Variants in URI1 observed in about 807,000 individuals in gnomAD.
URI1 encodes the protein unconventional prefoldin RPB5 interactor 1.
In URI1, 39 loss-of-function variants were observed where a neutral mutation model predicts 60.2. The observed-to-expected ratio is 0.65, with a 90% CI of 0.50 to 0.85. URI1 has a LOEUF of 0.85. Ranked by LOEUF, URI1 falls within the 40% of genes least tolerant of loss-of-function variation. URI1 has a pLI of 0.00. For missense variants in URI1, 691 were observed against 665.9 expected, an observed-to-expected ratio of 1.04 and a Z score of -0.42; for synonymous variants, 251 against 236.8, an observed-to-expected ratio of 1.06 and a Z score of -0.55.
chr19:29,961,918 C>T (rs753018048), intron 1 of URI1, among the ~76,000 whole-genome samples: 1 of 152,086 alleles, frequency 6.6e-6, no homozygotes, highest in East Asian at 1.9e-4. Context: ...CTCCTGACCT[C>T]GGGTGATCCA....
intron 1 of URI1, chr19:29,956,965 CTGAT>C: frequency 1.1e-6 from 1 of 906,640 alleles, no homozygotes; most frequent in Non-Finnish European, 1.8e-6. Context: ...TGTCAACAGT[CTGAT>C]TGCTGAGAAT....
At chr19:29,949,039 T>C (rs2055140061) in intron 1 of URI1, among the ~76,000 whole-genome samples, 1 of 138,652 alleles carries the variant, frequency 7.2e-6, no homozygotes, top group Non-Finnish European at 1.6e-5. Flanking sequence ...ACGGGGCAGC[T>C]GGCCGGGCGG....
chr19:29,952,468 C>T (rs921798618), intron 1 of URI1, among the ~76,000 whole-genome samples: 3 of 152,206 alleles, frequency 2.0e-5, no homozygotes, highest in African/African-American at 7.2e-5. Context: ...TCTTTTTTAA[C>T]ATTCACTAAG....
rs373253999 is a variant in URI1, at chr19:30,014,906, T to C, written c.1445T>C (p.Ile482Thr). ...VTPEAFSGTV[I>T]EKEFVSPSLT... is the part of the protein sequence containing the mutation. ...TTCTAGGCTTTTTCTGGAACTGTTA[T>C]AGAAAAAGAATTTGTATCACCTTCC... Residue 482 changes from isoleucine (I) to threonine (T), a missense_variant, in exon 11 of 11, where the codon ATA becomes ACA. Coordinates refer to ENST00000392271, the MANE Select transcript of URI1 (RefSeq NM_003796.3). The C allele has an allele frequency of 3.9e-5, 63 of 1,612,616 alleles. No homozygotes were observed. Among genetic ancestry groups the C allele is most frequent in the Admixed American group, 1.3e-4 (8 of 59,916 alleles).
At chr19:29,924,036 A>G (rs2054844579) in intron 1 of URI1, among the ~76,000 whole-genome samples, 1 of 152,154 alleles carries the variant, frequency 6.6e-6, no homozygotes, top group African/African-American at 2.4e-5. Context: ...AGGAGCTTCA[A>G]CGTCCCAGGG....
At position 30,005,637 on chromosome 19, in the gene URI1, T is replaced by G. The variant is rs750151554; in HGVS notation, c.460-14T>G. The G allele has an allele frequency of 3.0e-5, 48 of 1,604,464 alleles. No homozygotes were observed. The highest frequency in any genetic ancestry group is 2.9e-4 in the Admixed American group (17 of 58,086). On this transcript the variant is annotated splice_polypyrimidine_tract_variant and intron_variant, in intron 5 of 10. Transcript: ENST00000392271. ...TTGTGTTGTTAATACGCTTTTTTTT[T>G]GTTTAAAAACCAGGCTGCAGGTGAT...
chr19:30,007,433 G>T, intron 6 of URI1, 37 bp from the exon 7 acceptor site: 1 of 1,600,406 alleles, frequency 6.2e-7, no homozygotes, highest in Admixed American at 1.7e-5. Context: ...TTTTATGTTG[G>T]CTATTAACAG....
At chr19:29,984,646 C>T (rs976012856) in intron 2 of URI1, among the ~76,000 whole-genome samples, 5 of 152,066 alleles carry the variant, frequency 3.3e-5, no homozygotes, top group Non-Finnish European at 7.4e-5. Flanking sequence ...AGAATAATGC[C>T]ATTGCTAAAC....
intron 4 of URI1, among the ~76,000 whole-genome samples, chr19:29,990,633 A>G (rs1479693122): frequency 6.6e-6 from 1 of 152,232 alleles, no homozygotes; most frequent in East Asian, 1.9e-4. Flanking sequence ...CATATATTGT[A>G]TGATTCCATT....
intron 1 of URI1, among the ~76,000 whole-genome samples, chr19:29,962,681 GCTGT>G (rs2055341838): frequency 1.4e-5 from 2 of 147,556 alleles, no homozygotes; most frequent in African/African-American, 2.5e-5. Context: ...TGTTGTTGTT[GCTGT>G]CTTTTTTTTA....
chr19:30,011,191 C>G lies in URI1; in HGVS notation c.1133C>G (p.Ser378Cys), dbSNP rs149845017. 6.2e-7 allele frequency: 1 copy of G among 1,611,966 alleles called. No individual in the cohort carries two copies. Among genetic ancestry groups the G allele is most frequent in the African/African-American group, 1.3e-5 (1 of 74,776 alleles). The change falls in exon 9 of 11, where the codon TCT becomes TGT. Residue 378 changes from serine (S) to cysteine (C), a missense_variant. By Grantham distance (112) the Ser-to-Cys change is moderately radical. Coordinates refer to ENST00000392271, the MANE Select transcript of URI1 (RefSeq NM_003796.3). The stretch of plus-strand genomic sequence containing the variant: ...AAGAACAGCACTGGCAGTGGCCACT[C>G]TGCCCAGGAGCTGCCGACCATCAGG... ...KRKNSTGSGH[S>C]AQELPTIRTP...
chr19:29,981,745 G>A (rs1267577322), intron 2 of URI1, among the ~76,000 whole-genome samples: 2 of 152,116 alleles, frequency 1.3e-5, no homozygotes, highest in East Asian at 3.8e-4. Flanking sequence ...GTAGGCTGGA[G>A]AGGTGTTTCT....
intron 4 of URI1, among the ~76,000 whole-genome samples, chr19:29,986,931 A>G (rs779691751): frequency 6.6e-6 from 1 of 152,202 alleles, no homozygotes; most frequent in Non-Finnish European, 1.5e-5. Context: ...TACCTAAAAC[A>G]GCACCCTTAT....
At position 29,974,179 on chromosome 19, in the gene URI1, CT is replaced by C. The variant is rs1283511039; in HGVS notation, c.152+2954del. ...TTCTTGTAAAGTGATGATGATACTA[CT>C]TAACTCACAGGGTTGTAGTGAAGAT... is the stretch of plus-strand genomic sequence containing the variant. On this transcript the variant is annotated intron_variant, in intron 2 of 10. Coordinates refer to ENST00000392271, the MANE Select transcript of URI1 (RefSeq NM_003796.3). 5.9e-5 allele frequency among the ~76,000 whole-genome samples: 9 copies of C among 152,204 alleles called. No homozygotes were observed. The East Asian group carries it at 1.7e-3, about 29-fold the overall frequency.
intron 1 of URI1, among the ~76,000 whole-genome samples, chr19:29,943,558 T>G (rs2055060287): frequency 6.6e-6 from 1 of 152,232 alleles, no homozygotes; most frequent in South Asian, 2.1e-4. Context: ...GCTTCAACAC[T>G]ATAAGCAGTT....
At chr19:29,932,818 AT>A (rs2054934029) in intron 1 of URI1, among the ~76,000 whole-genome samples, 1 of 150,492 alleles carries the variant, frequency 6.6e-6, no homozygotes, top group Non-Finnish European at 1.5e-5. Context: ...CATCCAGCTA[AT>A]TTTTTGTATT....
intron 6 of URI1, among the ~76,000 whole-genome samples, chr19:30,006,393 T>C (rs1396968502): frequency 6.6e-6 from 1 of 152,138 alleles, no homozygotes; most frequent in African/African-American, 2.4e-5. Context: ...TCAGCACTCA[T>C]ATTTTGGTGA....
chr19:30,004,772 T>C (rs2055919569), intron 4 of URI1, among the ~76,000 whole-genome samples: 1 of 152,054 alleles, frequency 6.6e-6, no homozygotes, highest in African/African-American at 2.4e-5. Context: ...GAAATGTTTG[T>C]GTCTATTCTC....
At chr19:29,958,852 C>G (rs1167917597) in intron 1 of URI1, among the ~76,000 whole-genome samples, 1 of 151,536 alleles carries the variant, frequency 6.6e-6, no homozygotes, top group Non-Finnish European at 1.5e-5. Context: ...CCCAGCTACT[C>G]GGAAGGTTGA....
Sources: allele counts gnomAD v4.1 joint callset (sites outside exome capture counted in the v4.1 genomes callset), GRCh38; gene constraint gnomAD v4.1.1; transcripts MANE v1.5; gene names NCBI Gene and HGNC (gene_info 2026-07-23, HGNC 2026-07-21).